The following NALF1 variants were observed in gnomAD, a reference collection of about 807,000 sequenced individuals.
The protein encoded by NALF1 is family with sequence similarity 155 member A.
NALF1 carries 3 observed loss-of-function variants against 48.4 expected under a neutral mutation model. That is an observed-to-expected ratio of 0.06 (90% CI 0.03 to 0.16). The LOEUF (loss-of-function observed/expected upper bound fraction) is 0.16, where lower values mean the gene tolerates loss of function less well. NALF1 is among the 10% of genes least tolerant of loss of function. NALF1 has a pLI of 1.00. For synonymous variants in NALF1, 262 were observed against 245.7 expected, an observed-to-expected ratio of 1.07 and a Z score of -0.62; for missense variants, 526 against 571.5, an observed-to-expected ratio of 0.92 and a Z score of 0.81.
intron 1 of NALF1, among the ~76,000 whole-genome samples, chr13:107,279,751 T>G (rs961142008): frequency 2.6e-5 from 4 of 152,150 alleles, no homozygotes; most frequent in Non-Finnish European, 5.9e-5. Flanking sequence ...ACATGCAGTT[T>G]TATCTCTTTC....
chr13:107,866,767 T>A lies in NALF1; in HGVS notation c.-171A>T. 1.7e-6 allele frequency: 1 copy of A among 599,236 alleles called. No individual in the cohort carries two copies. Among genetic ancestry groups the A allele is most frequent in the Non-Finnish European group, 2.9e-6 (1 of 339,714 alleles). 37.1% of individuals were successfully genotyped at this position (599,236 alleles called of 1,614,324 possible). A position where few individuals can be genotyped will look rare whatever the true frequency, so the allele number is the denominator to read the frequency against. The stretch of plus-strand genomic sequence containing the variant: ...CCTCTCCCTCTCTCCTCTCTCTCTC[T>A]CTCCCTCTCCCTCTCTTTTATCTCT... On this transcript the variant is annotated 5_prime_UTR_variant, in exon 1 of 3. Coordinates refer to ENST00000375915, the MANE Select transcript of NALF1 (RefSeq NM_001080396.3). This position sits in a 1 kb window ranked among gnomAD's most constrained non-coding sequence, Gnocchi z 4.4.
At chr13:107,342,927 CAGG>C (rs539709335) in intron 1 of NALF1, among the ~76,000 whole-genome samples, 22 of 152,092 alleles carry the variant, frequency 1.4e-4, no homozygotes, top group Non-Finnish European at 2.9e-4. Context: ...AACACAGTAA[CAGG>C]AGGAGATCTT....
At chr13:107,816,553 G>A (rs1019122298) in intron 1 of NALF1, among the ~76,000 whole-genome samples, 3 of 152,102 alleles carry the variant, frequency 2.0e-5, no homozygotes, top group Admixed American at 6.6e-5. Context: ...CTCCCACTGG[G>A]TCTCTCACAC....
At chr13:107,506,495 C>T (rs1875699240) in intron 1 of NALF1, among the ~76,000 whole-genome samples, 1 of 152,132 alleles carries the variant, frequency 6.6e-6, no homozygotes, top group South Asian at 2.1e-4. Flanking sequence ...ACCAACACCA[C>T]ATTCTAATTT....
chr13:107,687,371 T>C (rs1176788255), intron 1 of NALF1, among the ~76,000 whole-genome samples: 1 of 152,054 alleles, frequency 6.6e-6, no homozygotes, highest in Admixed American at 6.5e-5. Flanking sequence ...TGTTCACTAT[T>C]TGGGTGACGA....
intron 1 of NALF1, among the ~76,000 whole-genome samples, chr13:107,678,789 G>A (rs922501309): frequency 5.3e-5 from 8 of 152,252 alleles, no homozygotes; most frequent in African/African-American, 1.9e-4. Context: ...ATCAGATCTC[G>A]TGAGAACTCA....
intron 2 of NALF1, among the ~76,000 whole-genome samples, chr13:107,207,473 T>A (rs1184735421): frequency 1.3e-5 from 2 of 152,184 alleles, no homozygotes; most frequent in African/African-American, 2.4e-5. Flanking sequence ...CTTAGACGCA[T>A]GACAAGCCAC....
intron 1 of NALF1, among the ~76,000 whole-genome samples, chr13:107,766,996 T>TTAG (rs1428740256): frequency 6.6e-6 from 1 of 152,134 alleles, no homozygotes; most frequent in African/African-American, 2.4e-5. Flanking sequence ...ACAGAAAGAC[T>TTAG]TAGACGTGTG....
chr13:107,585,690 T>C (rs1179020520), intron 1 of NALF1, among the ~76,000 whole-genome samples: 3 of 152,182 alleles, frequency 2.0e-5, no homozygotes, highest in African/African-American at 7.2e-5. Flanking sequence ...ATAACCCAGC[T>C]GACAGCCTCT....
chr13:107,739,366 A>G (rs1876562100), intron 1 of NALF1, among the ~76,000 whole-genome samples: 1 of 148,364 alleles, frequency 6.7e-6, no homozygotes, highest in Non-Finnish European at 1.5e-5. Context: ...TATAATATAT[A>G]AATATATAAT....
At chr13:107,182,106 G>A (rs557615140) in intron 2 of NALF1, among the ~76,000 whole-genome samples, 4 of 152,264 alleles carry the variant, frequency 2.6e-5, no homozygotes, top group South Asian at 4.1e-4. Flanking sequence ...TCAGCTCTGA[G>A]TGCTTGTCCC....
intron 1 of NALF1, among the ~76,000 whole-genome samples, chr13:107,434,707 G>C (rs540753933): frequency 1.3e-5 from 2 of 152,176 alleles, no homozygotes; most frequent in Non-Finnish European, 2.9e-5. Flanking sequence ...CCACTTAAAA[G>C]CAAGGCCCTT....
rs183924502 is a variant in NALF1 at position 107,457,846 on chromosome 13, G to C, written c.916-247091C>G. Among the ~76,000 whole-genome samples, 6 of 152,138 alleles carry C rather than the reference G, an allele frequency of 3.9e-5. No homozygotes were observed. In the East Asian group the frequency reaches 1.2e-3, roughly 30 times the overall value. ...TCTGTTCACGTTTATTTTTCCACTT[G>C]TGCAACTACACAAGAGCTGCTCTTA... On this transcript the variant is annotated intron_variant, in intron 1 of 2. Transcript: ENST00000375915.
chr13:107,683,306 A>G (rs1386619169), intron 1 of NALF1, among the ~76,000 whole-genome samples: 3 of 152,172 alleles, frequency 2.0e-5, no homozygotes, highest in Non-Finnish European at 4.4e-5. Context: ...AGACATAAGA[A>G]AGCATAATTT....
intron 1 of NALF1, among the ~76,000 whole-genome samples, chr13:107,595,223 A>G (rs1878708386): frequency 6.6e-6 from 1 of 152,128 alleles, no homozygotes; most frequent in African/African-American, 2.4e-5. Flanking sequence ...ACCATCCATA[A>G]TCATGGAAAA....
At chr13:107,218,796 C>T (rs9555329) in intron 1 of NALF1, among the ~76,000 whole-genome samples, 17,631 of 133,068 alleles carry the variant, frequency 0.13, 1,112 homozygotes, top group South Asian at 0.21. Context: ...GTTTATTGTT[C>T]TGAGCTCATG....
chr13:107,654,355 T>C (rs1044624955), intron 1 of NALF1, among the ~76,000 whole-genome samples: 1 of 152,156 alleles, frequency 6.6e-6, no homozygotes, highest in East Asian at 1.9e-4. Flanking sequence ...TTACTTTTAA[T>C]GGCGAAAACT....
chr13:107,398,636 A>G (rs1261130459), intron 1 of NALF1, among the ~76,000 whole-genome samples: 1 of 152,138 alleles, frequency 6.6e-6, no homozygotes, highest in African/African-American at 2.4e-5. Flanking sequence ...ACTGATAATA[A>G]GCAAACTTGA....
At chr13:107,700,316 A>G (rs8002666) in intron 1 of NALF1, among the ~76,000 whole-genome samples, 3,709 of 152,186 alleles carry the variant, frequency 0.024, 158 homozygotes, top group African/African-American at 0.086. Context: ...ACAAAAACCA[A>G]TGGAACAGAA....
Sources: allele counts gnomAD v4.1 joint callset (sites outside exome capture counted in the v4.1 genomes callset), GRCh38; gene constraint gnomAD v4.1.1; non-coding constraint Gnocchi (gnomAD v3.1); transcripts MANE v1.5; gene names NCBI Gene and HGNC (gene_info 2026-07-23, HGNC 2026-07-21).